ATG4B: variants seen among roughly 807,000 people sequenced by gnomAD.
The protein encoded by ATG4B is autophagy related 4B cysteine peptidase, also known as cysteine protease ATG4B.
In ATG4B, 29 loss-of-function variants were observed where a neutral mutation model predicts 56.6. That is an observed-to-expected ratio of 0.51 (90% CI 0.38 to 0.70). The LOEUF is 0.70. Ranked by LOEUF, ATG4B falls within the 30% of genes least tolerant of loss-of-function variation. The pLI, the probability that ATG4B is intolerant of heterozygous loss-of-function variation, is 0.00. For missense variants in ATG4B, 461 were observed against 515.5 expected (o/e 0.89, Z 1.02); for synonymous variants, 224 against 206.1 (o/e 1.09, Z -0.74).
At chr2:241,662,476 T>C (rs1435583241) in intron 7 of ATG4B, among the ~76,000 whole-genome samples, 1 of 152,084 alleles carries the variant, frequency 6.6e-6, no homozygotes, top group Admixed American at 6.6e-5. Flanking sequence ...ACGAGAAAAT[T>C]TCAGGTGGTG....
rs768916325 is a variant in ATG4B at position 241,659,274 on chromosome 2, C to T, written c.538+87C>T. 33 of 1,229,932 alleles carry T rather than the reference C, an allele frequency of 2.7e-5. No homozygotes were observed. In the South Asian group the frequency reaches 2.9e-4, roughly 11 times the overall value. The allele number at this position is 1,229,932 out of a possible 1,614,324, so 76.2% of individuals were successfully genotyped here. On this transcript the variant is annotated intron_variant, in intron 7 of 12. Transcript: ENST00000404914. ...CTCGCCTGAGTCCCCACGGGAGCCT[C>T]GGCGAGTGTTGTCAGTCGCCCCATG...
chr2:241,651,099 A>G lies in ATG4B; in HGVS notation c.100A>G (p.Ser34Gly). ...CGTTTGGATACTGGGTAGAAAATAC[A>G]GCATTTTCACAGGTATCGGCCATGC... ...EPVWILGRKY[S>G]IFTEKDEILS... The change falls in exon 2 of 13, where the codon AGC becomes GGC. Residue 34 changes from serine to glycine, a missense_variant. Coordinates refer to ENST00000404914, the MANE Select transcript of ATG4B (RefSeq NM_013325.5). This position sits in a 1 kb window ranked among gnomAD's most constrained non-coding sequence, Gnocchi z 4.1. 1 of 1,613,498 alleles carries G rather than the reference A, an allele frequency of 6.2e-7. No homozygotes were observed. The highest frequency in any genetic ancestry group is 8.5e-7 in the Non-Finnish European group (1 of 1,179,636).
chr2:241,642,779 C>T (rs916189982), intron 1 of ATG4B, among the ~76,000 whole-genome samples: 130 of 139,716 alleles, frequency 9.3e-4, no homozygotes, highest in African/African-American at 2.9e-3. Context: ...GGGAAGAGGG[C>T]GTGGAAAATC....
chr2:241,652,011 A>G (rs1245991902), intron 3 of ATG4B: 3 of 1,292,894 alleles, frequency 2.3e-6, no homozygotes, highest in African/African-American at 3.0e-5. Context: ...CCTCAGTGCC[A>G]GGTCAGGGTT....
intron 7 of ATG4B, among the ~76,000 whole-genome samples, chr2:241,666,109 C>T (rs113655186): frequency 0.039 from 5,954 of 152,338 alleles, 401 homozygotes; most frequent in African/African-American, 0.14. Flanking sequence ...AGCCTGGCTC[C>T]TCTGAGTGGG....
chr2:241,672,377 C>G lies in ATG4B; in HGVS notation c.*113C>G, dbSNP rs907981565. The G allele has an allele frequency of 1.7e-5, 16 of 964,068 alleles. No homozygotes were observed. The highest frequency in any genetic ancestry group is 4.9e-5 in the African/African-American group (3 of 61,232). 59.7% of individuals were successfully genotyped at this position (964,068 alleles called of 1,614,324 possible). A position where few individuals can be genotyped will look rare whatever the true frequency, so the allele number is the denominator to read the frequency against. Reference sequence around the variant, plus strand: ...GGGCTGCGCCCCGTGCTGCCTCCCCCCAGAGGGCCACCCGCTGTGCTCGTG... The same window carrying G: ...GGGCTGCGCCCCGTGCTGCCTCCCCGCAGAGGGCCACCCGCTGTGCTCGTG... On this transcript the variant is annotated 3_prime_UTR_variant, in exon 13 of 13. Coordinates refer to ENST00000404914, the MANE Select transcript of ATG4B (RefSeq NM_013325.5).
chr2:241,670,251 CCT>C (rs2125149920), intron 10 of ATG4B, among the ~76,000 whole-genome samples: 1 of 151,958 alleles, frequency 6.6e-6, no homozygotes, highest in Non-Finnish European at 1.5e-5. Context: ...TGGCCGGTCC[CCT>C]GTCTCCTGGC....
chr2:241,667,607 TAAA>T (rs772264425), intron 8 of ATG4B, among the ~76,000 whole-genome samples: 1 of 115,460 alleles, frequency 8.7e-6, no homozygotes. Context: ...CCATCTCAAA[TAAA>T]AAAAAAAAAA....
In ATG4B at chr2:241,654,699, G is replaced by A. The variant is rs1374765344; in HGVS notation, c.385+52G>A. 5 of 1,455,532 alleles carry A rather than the reference G, an allele frequency of 3.4e-6. No homozygotes were observed. The African/African-American group carries it at 4.2e-5, about 12-fold the overall frequency. 90.2% of individuals were successfully genotyped at this position (1,455,532 alleles called of 1,614,324 possible). On this transcript the variant is annotated intron_variant, in intron 5 of 12. Coordinates refer to ENST00000404914, the MANE Select transcript of ATG4B (RefSeq NM_013325.5). ...CCCACCCGGGCTGTCTGGAGAGGGTGGAGTGGTCGGTTTCCCCTCAGAGCT... is the reference window on the plus strand; with the variant it reads ...CCCACCCGGGCTGTCTGGAGAGGGTAGAGTGGTCGGTTTCCCCTCAGAGCT...
intron 12 of ATG4B, chr2:241,671,879 T>C (rs2068986783): frequency 9.2e-6 from 12 of 1,308,716 alleles, no homozygotes; most frequent in East Asian, 3.3e-5. Flanking sequence ...TGGGAAACTC[T>C]ACAAACAAGG....
intron 12 of ATG4B, chr2:241,671,845 G>A (rs141363580): frequency 5.5e-4 from 701 of 1,283,628 alleles, no homozygotes; most frequent in Non-Finnish European, 6.5e-4. Context: ...CCGTGAGCGC[G>A]TCCTCCTCAT....
At chr2:241,650,935 C>G (rs1226108976) in intron 1 of ATG4B, 75 bp from the exon 2 acceptor site, 1 of 1,226,940 alleles carries the variant, frequency 8.2e-7, no homozygotes, top group East Asian at 2.5e-5. Flanking sequence ...CACAGAAATG[C>G]TGTAAATGGC....
intron 10 of ATG4B, among the ~76,000 whole-genome samples, chr2:241,670,232 G>A (rs76692745): frequency 3.9e-5 from 6 of 151,926 alleles, no homozygotes; most frequent in African/African-American, 7.3e-5. Context: ...TGTGATTGCC[G>A]GTGACCCTTG....
chr2:241,667,391 GT>G (rs2068811705), intron 8 of ATG4B, among the ~76,000 whole-genome samples: 1 of 151,990 alleles, frequency 6.6e-6, no homozygotes, highest in Non-Finnish European at 1.5e-5. Flanking sequence ...AGATCACGAG[GT>G]CAGGAGTCTG....
rs750357803 is a variant in ATG4B at position 241,637,738 on chromosome 2, G to A, written c.10+14G>A. 2.5e-6 allele frequency: 4 copies of A among 1,573,768 alleles called. No homozygotes were observed. The highest frequency in any genetic ancestry group is 5.1e-5 in the East Asian group (2 of 39,554). ...AGATGGACGCAGGTGAGGAGTTGCC[G>A]GGGGTCGGTCTTTCCGCAGGAGGTG... On this transcript the variant is annotated intron_variant, in intron 1 of 12. Transcript: ENST00000404914.
chr2:241,642,871 CCTTTTTTTTTTT>C (rs2067941106), intron 1 of ATG4B, among the ~76,000 whole-genome samples: 3 of 98,428 alleles, frequency 3.0e-5, no homozygotes, highest in South Asian at 3.9e-4. Context: ...ACCTCTCCGT[CCTTTTTTTTTTT>C]TTTTTTTTTT....
intron 1 of ATG4B, among the ~76,000 whole-genome samples, chr2:241,648,605 A>G (rs948319315): frequency 1.3e-5 from 2 of 150,076 alleles, no homozygotes; most frequent in Non-Finnish European, 2.9e-5. Context: ...AAAAAAAAAA[A>G]AGAAAAAAAA....
At chr2:241,659,971 C>T (rs1176481746) in intron 7 of ATG4B, among the ~76,000 whole-genome samples, 2 of 152,132 alleles carry the variant, frequency 1.3e-5, no homozygotes, top group Non-Finnish European at 2.9e-5. Flanking sequence ...GTGGGTGGAT[C>T]ATGAGGTCAG....
chr2:241,666,074 A>G (rs2068755192), intron 7 of ATG4B, among the ~76,000 whole-genome samples: 1 of 152,232 alleles, frequency 6.6e-6, no homozygotes, highest in Non-Finnish European at 1.5e-5. Flanking sequence ...GCACCTCTGA[A>G]CATTCCCTGC....
Sources: allele counts gnomAD v4.1 joint callset (sites outside exome capture counted in the v4.1 genomes callset), GRCh38; gene constraint gnomAD v4.1.1; non-coding constraint Gnocchi (gnomAD v3.1); transcripts MANE v1.5; gene names NCBI Gene and HGNC (gene_info 2026-07-23, HGNC 2026-07-21).